Variants in DNM3 observed in about 807,000 individuals in gnomAD.
DNM3 encodes dynamin-3.
Under a neutral mutation model 101.6 loss-of-function variants are expected in DNM3, and 47 were observed. The observed-to-expected ratio is 0.46, with a 90% CI of 0.37 to 0.59. The LOEUF (loss-of-function observed/expected upper bound fraction) is 0.59, where lower values mean the gene tolerates loss of function less well. Ranked by LOEUF, DNM3 falls within the 20% of genes least tolerant of loss-of-function variation. The pLI, the probability that DNM3 is intolerant of heterozygous loss-of-function variation, is 0.00. For synonymous variants in DNM3, 385 were observed against 387.9 expected (o/e 0.99, Z 0.09); for missense variants, 849 against 1,085.7 (o/e 0.78, Z 3.06).
At chr1:172,238,580 C>T (rs985526615) in intron 14 of DNM3, among the ~76,000 whole-genome samples, 2 of 152,074 alleles carry the variant, frequency 1.3e-5, no homozygotes, top group African/African-American at 2.4e-5. Context: ...TTGTTATCTT[C>T]GTAAGTCAGC....
intron 17 of DNM3, among the ~76,000 whole-genome samples, chr1:172,333,734 C>T (rs1366553346): frequency 2.0e-5 from 3 of 152,068 alleles, no homozygotes; most frequent in African/African-American, 7.2e-5. Context: ...AAAATATATT[C>T]AGTTGCATCC....
At chr1:172,295,377 CTG>C (rs1456921440) in intron 15 of DNM3, among the ~76,000 whole-genome samples, 1 of 151,094 alleles carries the variant, frequency 6.6e-6, no homozygotes. Context: ...TATAACAAAA[CTG>C]AATACAATTA....
chr1:172,241,335 G>A (rs561934783), intron 14 of DNM3, among the ~76,000 whole-genome samples: 14 of 151,300 alleles, frequency 9.3e-5, no homozygotes, highest in African/African-American at 2.9e-4. Flanking sequence ...CTGCATAAAC[G>A]TATGGCATAC....
intron 1 of DNM3, among the ~76,000 whole-genome samples, chr1:171,852,138 T>C (rs2033051362): frequency 6.6e-6 from 1 of 152,370 alleles, no homozygotes; most frequent in Non-Finnish European, 1.5e-5. Flanking sequence ...TATGTACATG[T>C]AATACAAATT....
At chr1:171,927,584 A>G (rs905844992) in intron 2 of DNM3, among the ~76,000 whole-genome samples, 1 of 152,252 alleles carries the variant, frequency 6.6e-6, no homozygotes, top group Non-Finnish European at 1.5e-5. Flanking sequence ...TTGTAGCACT[A>G]TTCACAATAG....
chr1:172,380,990 AAAAAAC>A (rs1558066861), intron 18 of DNM3: 1 of 151,632 alleles, frequency 6.6e-6, no homozygotes, highest in Non-Finnish European at 1.5e-5. Flanking sequence ...GGAAAAAAAA[AAAAAAC>A]AAAAAACCCC....
At position 172,145,696 on chromosome 1, in the gene DNM3, G is replaced by A. The variant is rs1333822071; in HGVS notation, c.1659+14408G>A. Among the ~76,000 whole-genome samples, 3 of 152,134 alleles carry A rather than the reference G, an allele frequency of 2.0e-5. 1 individual carries two copies. Among genetic ancestry groups the A allele is most frequent in the South Asian group, 4.1e-4 (2 of 4,832 alleles). On this transcript the variant is annotated intron_variant, in intron 14 of 20. Coordinates refer to ENST00000627582, the MANE Select transcript of DNM3 (RefSeq NM_015569.5). ...TTTGAAGCATCCACTACGAAACAACGACTCAGGTCTTCTAACAAATCGCCT... is the reference window on the plus strand; with the variant it reads ...TTTGAAGCATCCACTACGAAACAACAACTCAGGTCTTCTAACAAATCGCCT...
chr1:172,093,765 A>T, intron 13 of DNM3: 1 of 1,585,180 alleles, frequency 6.3e-7, no homozygotes, highest in Non-Finnish European at 8.5e-7. Flanking sequence ...TTGCTTTTTC[A>T]TTTAGCTTCC....
At chr1:172,084,071 G>C (rs2053354055) in intron 12 of DNM3, among the ~76,000 whole-genome samples, 1 of 152,110 alleles carries the variant, frequency 6.6e-6, no homozygotes, top group Admixed American at 6.6e-5. Context: ...ACTGATCTGG[G>C]AGTCAACAAT....
At chr1:171,970,252 C>A in intron 2 of DNM3, 1 of 468,104 alleles carries the variant, frequency 2.1e-6, no homozygotes, top group Non-Finnish European at 2.8e-6. Context: ...AAAGGTAAGA[C>A]AATACATATT....
intron 12 of DNM3, among the ~76,000 whole-genome samples, chr1:172,090,365 G>A (rs372610721): frequency 6.6e-6 from 1 of 152,174 alleles, no homozygotes; most frequent in Non-Finnish European, 1.5e-5. Flanking sequence ...GCCCTTAGGA[G>A]AGTGCTACTC....
chr1:172,306,346 G>A (rs1276862361), intron 15 of DNM3, among the ~76,000 whole-genome samples: 1 of 152,172 alleles, frequency 6.6e-6, no homozygotes, highest in African/African-American at 2.4e-5. Flanking sequence ...TCTTCAAGGA[G>A]AACTACAAAC....
At chr1:172,285,344 A>G (rs2063658025) in intron 15 of DNM3, among the ~76,000 whole-genome samples, 1 of 152,108 alleles carries the variant, frequency 6.6e-6, no homozygotes, top group South Asian at 2.1e-4. Context: ...TGTGGCCCAG[A>G]CTTTGGGCCA....
chr1:172,071,919 A>T (rs1476976489), intron 11 of DNM3, among the ~76,000 whole-genome samples: 2 of 152,180 alleles, frequency 1.3e-5, no homozygotes, highest in Non-Finnish European at 2.9e-5. Context: ...TTCATCCCCC[A>T]CATGCGACCT....
Position 172,407,904 on chromosome 1 carries a change from C to T in DNM3, c.*63C>T. 2 of 1,610,368 alleles carry T rather than the reference C, an allele frequency of 1.2e-6. No homozygotes were observed. Among genetic ancestry groups the T allele is most frequent in the Non-Finnish European group, 1.7e-6 (2 of 1,177,514 alleles). ...TATGCGAAAGCAACATATTTGATAA[C>T]CGTTGCAGTAAATCATGAGTAGTCG... On this transcript the variant is annotated 3_prime_UTR_variant, in exon 21 of 21. Transcript: ENST00000627582.
intron 2 of DNM3, among the ~76,000 whole-genome samples, chr1:171,948,161 G>C (rs1199301312): frequency 6.6e-6 from 1 of 152,112 alleles, no homozygotes; most frequent in Admixed American, 6.6e-5. Flanking sequence ...AATTACATCT[G>C]TTTGACAGCT....
At chr1:172,123,365 A>G (rs2056431588) in intron 13 of DNM3, among the ~76,000 whole-genome samples, 1 of 152,120 alleles carries the variant, frequency 6.6e-6, no homozygotes. Flanking sequence ...ATTTTCTACC[A>G]TATAGCTGGC....
Position 172,348,953 on chromosome 1 carries a change from C to T in DNM3, c.1893+25613C>T, listed in dbSNP as rs111292344. Among the ~76,000 whole-genome samples, 6 of 152,210 alleles carry T rather than the reference C, an allele frequency of 3.9e-5. No homozygotes were observed. In the South Asian group the frequency reaches 1.2e-3, roughly 32 times the overall value. On this transcript the variant is annotated intron_variant, in intron 17 of 20. Coordinates refer to ENST00000627582, the MANE Select transcript of DNM3 (RefSeq NM_015569.5). Reference sequence around the variant, plus strand: ...CCAGTCCCACCTGACCCATCGTCTTCCCAGTAGCATTGTCAGTAAACGAAT... The same window carrying T: ...CCAGTCCCACCTGACCCATCGTCTTTCCAGTAGCATTGTCAGTAAACGAAT...
At chr1:172,407,612 A>G (rs1421855127) in intron 20 of DNM3, among the ~76,000 whole-genome samples, 160 bp from the exon 21 acceptor site, 2 of 151,972 alleles carry the variant, frequency 1.3e-5, no homozygotes. Flanking sequence ...TACTAGATAA[A>G]TGAAAGGTGA....
Sources: allele counts gnomAD v4.1 joint callset (sites outside exome capture counted in the v4.1 genomes callset), GRCh38; gene constraint gnomAD v4.1.1; transcripts MANE v1.5; gene names NCBI Gene and HGNC (gene_info 2026-07-23, HGNC 2026-07-21).